The following IFI27L1 variants were observed in gnomAD, a reference collection of about 807,000 sequenced individuals.
The protein encoded by IFI27L1 is interferon alpha inducible protein 27 like 1.
IFI27L1 carries 3 observed loss-of-function variants against 9.2 expected under a neutral mutation model. That is an observed-to-expected ratio of 0.32 (90% confidence interval 0.15 to 0.84). The LOEUF (loss-of-function observed/expected upper bound fraction) is 0.84, where lower values mean the gene tolerates loss of function less well. IFI27L1 is among the 40% of genes least tolerant of loss of function. IFI27L1 has a pLI of 0.56. For synonymous variants in IFI27L1, 53 were observed against 50.0 expected, an observed-to-expected ratio of 1.06 and a Z score of -0.26; for missense variants, 133 against 134.2, an observed-to-expected ratio of 0.99 and a Z score of 0.05.
intron 1 of IFI27L1, among the ~76,000 whole-genome samples, chr14:94,085,145 A>G (rs949364715): frequency 6.6e-6 from 1 of 152,224 alleles, no homozygotes; most frequent in Non-Finnish European, 1.5e-5. Context: ...ACTGAAGGGT[A>G]GATGTGGGCT....
At chr14:94,098,389 A>G (rs1206421794) in intron 2 of IFI27L1, among the ~76,000 whole-genome samples, 1 of 152,100 alleles carries the variant, frequency 6.6e-6, no homozygotes, top group African/African-American at 2.4e-5. Context: ...TGTGACTCCA[A>G]GTATCTGTGT....
intron 1 of IFI27L1, among the ~76,000 whole-genome samples, chr14:94,087,127 G>A (rs999219502): frequency 3.3e-5 from 5 of 152,274 alleles, no homozygotes; most frequent in African/African-American, 9.6e-5. Context: ...AAAGACAACA[G>A]CCTTAATCAA....
intron 1 of IFI27L1, among the ~76,000 whole-genome samples, chr14:94,092,322 A>G (rs1016859708): frequency 6.6e-6 from 1 of 151,812 alleles, no homozygotes; most frequent in Non-Finnish European, 1.5e-5. Flanking sequence ...GACCAGCCAG[A>G]TCAACATGGT....
At chr14:94,083,024 G>T (rs969649827) in intron 1 of IFI27L1, among the ~76,000 whole-genome samples, 1 of 152,136 alleles carries the variant, frequency 6.6e-6, no homozygotes, top group African/African-American at 2.4e-5. Flanking sequence ...TTCTGGAAAG[G>T]GTTCACTATT....
chr14:94,093,625 G>A (rs1886564470), intron 1 of IFI27L1, among the ~76,000 whole-genome samples: 1 of 152,202 alleles, frequency 6.6e-6, no homozygotes, highest in Non-Finnish European at 1.5e-5. Context: ...ATGGATTGGT[G>A]GCTAACAGCA....
chr14:94,102,588 A>C lies in IFI27L1; in HGVS notation c.*20A>C. 6.9e-7 allele frequency: 1 copy of C among 1,443,100 alleles called. No individual in the cohort carries two copies. Among genetic ancestry groups the C allele is most frequent in the Non-Finnish European group, 9.3e-7 (1 of 1,077,244 alleles). The allele number at this position is 1,443,100 out of a possible 1,614,324, so 89.4% of individuals were successfully genotyped here. A position where few individuals can be genotyped will look rare whatever the true frequency, so the allele number is the denominator to read the frequency against. Reference sequence around the variant, plus strand: ...AGCTGAACACCACACTGAGGCAGGGAGTTGGCTCTCTTGGTGGAGATGACT... The same window carrying C: ...AGCTGAACACCACACTGAGGCAGGGCGTTGGCTCTCTTGGTGGAGATGACT... On this transcript the variant is annotated 3_prime_UTR_variant, in exon 5 of 5. Transcript: ENST00000555523.
chr14:94,102,380 C>T (rs1886932985), intron 4 of IFI27L1, 97 bp from the exon 5 acceptor site: 1 of 706,950 alleles, frequency 1.4e-6, no homozygotes, highest in Non-Finnish European at 2.3e-6. Context: ...GCCTGGGCCT[C>T]AGGTCTCTGG....
At chr14:94,092,041 G>A (rs557284918) in intron 1 of IFI27L1, among the ~76,000 whole-genome samples, 10 of 151,558 alleles carry the variant, frequency 6.6e-5, no homozygotes, top group African/African-American at 2.2e-4. Context: ...CAGGAGAATC[G>A]CTTGAACCTG....
In IFI27L1 at chr14:94,098,287, G is replaced by A. The variant is rs1886749046; in HGVS notation, c.28+1322G>A. ...GGAGAATGTTCCATGCCACTCCCTA[G>A]TTTCTGGTGGCTGCTGTCAGTCTTC... On this transcript the variant is annotated intron_variant, in intron 2 of 4. Transcript: ENST00000555523. Among the ~76,000 whole-genome samples the A allele has an allele frequency of 2.0e-5, 3 of 152,216 alleles. No homozygotes were observed. In the South Asian group the frequency reaches 6.2e-4, roughly 32 times the overall value.
intron 1 of IFI27L1, 30 bp downstream of exon 1, chr14:94,081,479 T>TC (rs1886102231): frequency 6.6e-6 from 1 of 152,448 alleles, no homozygotes; most frequent in South Asian, 2.0e-4. Context: ...TAGTGTAGTT[T>TC]CGTTACCGGA....
rs566014717 is a variant in IFI27L1, at chr14:94,082,924, A to G, written c.-52+1475A>G. On this transcript the variant is annotated intron_variant, in intron 1 of 4. Transcript: ENST00000555523. ...GATCAAGAAGTAATTTTGCATTTCA[A>G]GTTTTATTACTTAAGATACATTTCG... 5.9e-5 allele frequency among the ~76,000 whole-genome samples: 9 copies of G among 152,326 alleles called. No individual in the cohort carries two copies. The East Asian group carries it at 1.3e-3, about 23-fold the overall frequency.
intron 1 of IFI27L1, among the ~76,000 whole-genome samples, chr14:94,091,260 T>C (rs1886463224): frequency 6.6e-6 from 1 of 152,212 alleles, no homozygotes; most frequent in Admixed American, 6.5e-5. Flanking sequence ...GACAAAAAGT[T>C]TTAGGACAGC....
chr14:94,088,122 G>T, intron 1 of IFI27L1: 1 of 629,846 alleles, frequency 1.6e-6, no homozygotes, highest in South Asian at 1.8e-5. Flanking sequence ...TGCCAGTTCT[G>T]CAAATGACCT....
chr14:94,085,326 C>CTTA (rs2141445243), intron 1 of IFI27L1, among the ~76,000 whole-genome samples: 1 of 152,310 alleles, frequency 6.6e-6, no homozygotes, highest in East Asian at 1.9e-4. Flanking sequence ...TGGCAGATTA[C>CTTA]TTACTCTTCC....
chr14:94,086,768 G>A (rs1045696128), intron 1 of IFI27L1, among the ~76,000 whole-genome samples: 54 of 152,182 alleles, frequency 3.5e-4, no homozygotes, highest in Admixed American at 6.5e-4. Flanking sequence ...TTAGGGTCTT[G>A]GAAGGAGCCA....
intron 1 of IFI27L1, among the ~76,000 whole-genome samples, chr14:94,091,049 T>C (rs1182534544): frequency 6.6e-6 from 1 of 152,268 alleles, no homozygotes; most frequent in Non-Finnish European, 1.5e-5. Flanking sequence ...TCTGTTAGTT[T>C]AGTTCATGCG....
At chr14:94,086,532 T>C (rs1199792291) in intron 1 of IFI27L1, among the ~76,000 whole-genome samples, 2 of 152,156 alleles carry the variant, frequency 1.3e-5, no homozygotes, top group Non-Finnish European at 2.9e-5. Context: ...CCATTCTATT[T>C]AGGACCTGAA....
At position 94,101,976 on chromosome 14, in the gene IFI27L1, G is replaced by T. The variant is rs903783708; in HGVS notation, c.223+1G>T. On this transcript the variant is annotated splice_donor_variant, in intron 4 of 4. Coordinates refer to ENST00000555523, the MANE Select transcript of IFI27L1 (RefSeq NM_206949.3). LOFTEE classifies it high-confidence loss of function. ...CTGGTGGCTATTCTGCAGTCAGTGG[G>T]TGAGTGTTCTGGACAGGATGACCAG... 2 of 1,614,226 alleles carry T rather than the reference G, an allele frequency of 1.2e-6. No individual in the cohort carries two copies. Among genetic ancestry groups the T allele is most frequent in the African/African-American group, 2.7e-5 (2 of 75,050 alleles).
intron 1 of IFI27L1, among the ~76,000 whole-genome samples, chr14:94,087,488 G>A (rs912324613): frequency 1.3e-5 from 2 of 152,130 alleles, no homozygotes; most frequent in African/African-American, 4.8e-5. Flanking sequence ...GTGCAGTGGC[G>A]CATCTCGGCT....
Sources: gnomAD v4.1 joint callset for allele counts (sites outside exome capture counted in the v4.1 genomes callset) on GRCh38, gnomAD v4.1.1 for gene constraint, MANE v1.5 for transcripts, NCBI Gene and HGNC (gene_info 2026-07-23, HGNC 2026-07-21) for gene names.